Variants in CAPN13 observed in about 807,000 individuals in gnomAD.
The protein encoded by CAPN13 is calpain 13.
CAPN13 carries 90 observed loss-of-function variants against 98.4 expected under a neutral mutation model. The observed-to-expected ratio is 0.92, with a 90% CI of 0.77 to 1.09. The LOEUF (loss-of-function observed/expected upper bound fraction) is 1.09, where lower values mean the gene tolerates loss of function less well. CAPN13 is among the 50% of genes least tolerant of loss of function. The probability of loss-of-function intolerance (pLI) is 0.00; values close to 1 mark genes in which losing one functional copy is unlikely to be tolerated. For missense variants in CAPN13, 887 were observed against 841.3 expected (o/e 1.05, Z -0.67); for synonymous variants, 330 against 305.5 (o/e 1.08, Z -0.84).
chr2:30,737,532 T>C (rs961626480), intron 17 of CAPN13: 4 of 152,828 alleles, frequency 2.6e-5, no homozygotes, highest in Admixed American at 2.0e-4. Flanking sequence ...TTCTTGGTCC[T>C]ACACTTGTAG....
chr2:30,754,465 G>A (rs1335193247), intron 8 of CAPN13, 101 bp from the exon 9 acceptor site: 5 of 889,856 alleles, frequency 5.6e-6, no homozygotes, highest in Admixed American at 3.5e-5. Flanking sequence ...CACCATTCCT[G>A]GGGAGCACAG....
chr2:30,778,581 T>C (rs1017379434), intron 2 of CAPN13, among the ~76,000 whole-genome samples: 7 of 152,210 alleles, frequency 4.6e-5, no homozygotes, highest in Non-Finnish European at 7.4e-5. Flanking sequence ...AAACTGGAAT[T>C]GGATTCATTT....
chr2:30,730,829 T>C (rs1246485239), intron 21 of CAPN13, 43 bp from the exon 22 acceptor site: 1 of 780,544 alleles, frequency 1.3e-6, no homozygotes, highest in Non-Finnish European at 2.4e-6. Context: ...TTTACACTTG[T>C]TAGCTTAATA....
chr2:30,766,950 G>C (rs1000971814), intron 5 of CAPN13, among the ~76,000 whole-genome samples: 4 of 152,258 alleles, frequency 2.6e-5, no homozygotes, highest in Non-Finnish European at 2.9e-5. Flanking sequence ...TTGGAGGGAA[G>C]AGGTCCCTCT....
chr2:30,751,012 C>A, intron 11 of CAPN13, 91 bp downstream of exon 11: 2 of 1,429,464 alleles, frequency 1.4e-6, no homozygotes, highest in Non-Finnish European at 1.9e-6. Context: ...GTGGTGCAGT[C>A]AAATCTCCCA....
At position 30,752,481 on chromosome 2, in the gene CAPN13, G is replaced by A. The variant is rs139471103; in HGVS notation, c.1087+572C>T. On this transcript the variant is annotated intron_variant, in intron 10 of 22. Transcript: ENST00000295055. ...TCATCTCAGGGGAGCTCAAAGACAG[G>A]CTCAGATGCGCCTACCTGTGGGACT... 4.4e-3 allele frequency among the ~76,000 whole-genome samples: 676 copies of A among 152,286 alleles called. 8 individuals are homozygous for A. Among genetic ancestry groups the A allele is most frequent in the African/African-American group, 0.015 (629 of 41,558 alleles).
At chr2:30,725,296 C>G (rs1168265223) in intron 22 of CAPN13, among the ~76,000 whole-genome samples, 1 of 152,134 alleles carries the variant, frequency 6.6e-6, no homozygotes, top group Non-Finnish European at 1.5e-5. Context: ...TGCAATGTGA[C>G]AACAAGGCAT....
intron 14 of CAPN13, 22 bp downstream of exon 14, chr2:30,742,304 C>T: frequency 6.3e-7 from 1 of 1,597,812 alleles, no homozygotes; most frequent in Non-Finnish European, 8.5e-7. Flanking sequence ...GGCTCGCCAG[C>T]CAAACCTTGC....
intron 8 of CAPN13, among the ~76,000 whole-genome samples, chr2:30,756,080 C>A (rs745312185): frequency 1.3e-5 from 2 of 152,054 alleles, no homozygotes; most frequent in African/African-American, 4.8e-5. Context: ...AGGTACAATA[C>A]GAGATCCAAC....
intron 20 of CAPN13, 57 bp from the exon 21 acceptor site, chr2:30,731,456 C>T: frequency 6.7e-7 from 1 of 1,484,210 alleles, no homozygotes; most frequent in South Asian, 1.2e-5. Context: ...CCAGGCAGTT[C>T]AGGGGAGGCA....
At chr2:30,748,523 A>G (rs1672023985) in intron 11 of CAPN13, among the ~76,000 whole-genome samples, 1 of 152,116 alleles carries the variant, frequency 6.6e-6, no homozygotes, top group African/African-American at 2.4e-5. Flanking sequence ...CTTGAATGCC[A>G]AGGCTCTGAG....
chr2:30,769,467 A>G (rs1394556444), intron 5 of CAPN13, among the ~76,000 whole-genome samples: 3 of 152,124 alleles, frequency 2.0e-5, no homozygotes, highest in African/African-American at 7.2e-5. Flanking sequence ...GTTTGAGTGT[A>G]TCTTCATCAC....
chr2:30,777,539 G>A (rs1411938853), intron 3 of CAPN13, 28 bp downstream of exon 3: 1 of 1,545,958 alleles, frequency 6.5e-7, no homozygotes, highest in African/African-American at 1.4e-5. Context: ...CCTATCCAGG[G>A]CACGGAGGGA....
At chr2:30,800,143 A>AGAAT (rs1675158276) in intron 1 of CAPN13, among the ~76,000 whole-genome samples, 1 of 149,850 alleles carries the variant, frequency 6.7e-6, no homozygotes, top group Non-Finnish European at 1.5e-5. Flanking sequence ...AAAGAAAGAA[A>AGAAT]GAAAGAAAGA....
rs543403057 is a variant in CAPN13 at position 30,734,005 on chromosome 2, T to C, written c.1798+444A>G. ...TCATTATCCCAGGGCTGAAAGCCTTTGCCTACTTGAAGCAGACAGATGCCA... is the reference window on the plus strand; with the variant it reads ...TCATTATCCCAGGGCTGAAAGCCTTCGCCTACTTGAAGCAGACAGATGCCA... On this transcript the variant is annotated intron_variant, in intron 19 of 22. Coordinates refer to ENST00000295055, the MANE Select transcript of CAPN13 (RefSeq NM_144575.3). Among the ~76,000 whole-genome samples, 86 of 152,314 alleles carry C rather than the reference T, an allele frequency of 5.6e-4. No individual in the cohort carries two copies. The Middle Eastern group carries it at 0.02, about 36-fold the overall frequency.
At chr2:30,799,296 A>T (rs1006758572) in intron 1 of CAPN13, among the ~76,000 whole-genome samples, 2 of 152,208 alleles carry the variant, frequency 1.3e-5, no homozygotes, top group African/African-American at 4.8e-5. Context: ...CTTATGTGAG[A>T]TGGTGTAAGT....
At chr2:30,792,148 G>C (rs1185870217) in intron 1 of CAPN13, among the ~76,000 whole-genome samples, 1 of 152,104 alleles carries the variant, frequency 6.6e-6, no homozygotes, top group African/African-American at 2.4e-5. Flanking sequence ...AGGAAGACGT[G>C]AATAAGTAGA....
intron 12 of CAPN13, 179 bp from the exon 13 acceptor site, chr2:30,743,758 A>T (rs1219414728): frequency 1.4e-6 from 1 of 705,216 alleles, no homozygotes; most frequent in Non-Finnish European, 2.6e-6. Flanking sequence ...TTAGCCTGTC[A>T]TTTCATCTAG....
intron 15 of CAPN13, among the ~76,000 whole-genome samples, chr2:30,740,698 G>A (rs886643291): frequency 6.6e-6 from 1 of 152,228 alleles, no homozygotes; most frequent in Non-Finnish European, 1.5e-5. Flanking sequence ...CCCTCTATGA[G>A]GAGGAACTTG....
Sources: gnomAD v4.1 joint callset for allele counts (sites outside exome capture counted in the v4.1 genomes callset) on GRCh38, gnomAD v4.1.1 for gene constraint, MANE v1.5 for transcripts, NCBI Gene and HGNC (gene_info 2026-07-23, HGNC 2026-07-21) for gene names.